The following OPRM1 variants were observed in gnomAD, a reference collection of about 807,000 sequenced individuals.
OPRM1 encodes the protein mu-type opioid receptor.
Under a neutral mutation model 31.8 loss-of-function variants are expected in OPRM1, and 27 were observed. The ratio of observed to expected loss-of-function variants is 0.85; its 90% CI spans 0.63 to 1.17. The LOEUF is 1.17. OPRM1 is among the 50% of genes most tolerant of loss of function. OPRM1 has a pLI of 0.00. For missense variants in OPRM1, 536 were observed against 511.1 expected (o/e 1.05, Z -0.47); for synonymous variants, 196 against 189.9 (o/e 1.03, Z -0.26).
intron 3 of OPRM1, chr6:154,093,139 A>T (rs1224442155): frequency 1.4e-6 from 1 of 717,878 alleles, no homozygotes; most frequent in Admixed American, 2.6e-5. Flanking sequence ...CAACCTGGGG[A>T]TAACATGTTA....
At chr6:154,211,187 C>T (rs1241322688) in intron 3 of OPRM1, among the ~76,000 whole-genome samples, 1 of 152,042 alleles carries the variant, frequency 6.6e-6, no homozygotes, top group Non-Finnish European at 1.5e-5. Flanking sequence ...GAGGCCGAGG[C>T]AGGCGGATCA....
intron 3 of OPRM1, among the ~76,000 whole-genome samples, chr6:154,171,855 C>A (rs963043224): frequency 1.3e-5 from 2 of 152,172 alleles, no homozygotes; most frequent in East Asian, 1.9e-4. Context: ...TGTCCTTTTA[C>A]TTTTTAAAAA....
At chr6:154,160,149 A>C in intron 3 of OPRM1, 1 of 828,116 alleles carries the variant, frequency 1.2e-6, no homozygotes, top group Non-Finnish European at 1.9e-6. Context: ...AAATTACCAA[A>C]GCATTTTTGC....
In OPRM1 at chr6:154,094,197, T is replaced by A. The variant is rs764503576; in HGVS notation, c.1164+2725T>A. On this transcript the variant is annotated intron_variant, in intron 3 of 3. Coordinates refer to ENST00000330432, the MANE Select transcript of OPRM1 (RefSeq NM_000914.5). ...CACATTTCAAGCACATTAGTCAACT[T>A]CATATTCTGCAGATCAGAGATCCAA... 4 of 1,282,442 alleles carry A rather than the reference T, an allele frequency of 3.1e-6. No homozygotes were observed. In the African/African-American group the frequency reaches 4.6e-5, roughly 15 times the overall value. The allele number at this position is 1,282,442 out of a possible 1,614,324, so 79.4% of individuals were successfully genotyped here.
chr6:154,140,715 T>C lies in OPRM1; in HGVS notation c.1164+49243T>C, dbSNP rs182353060. Reference sequence around the variant, plus strand: ...GGCAAAAGGAGGCCATTATGAATCATAGATATACAGGTCAACCCACAGAGG... The same window carrying C: ...GGCAAAAGGAGGCCATTATGAATCACAGATATACAGGTCAACCCACAGAGG... On this transcript the variant is annotated intron_variant, in intron 3 of 3. Coordinates refer to the OPRM1 transcript ENST00000337049. Among the ~76,000 whole-genome samples, 261 of 152,244 alleles carry C rather than the reference T, an allele frequency of 1.7e-3. 1 individual carries two copies. Among genetic ancestry groups the C allele is most frequent in the African/African-American group, 3.5e-3 (147 of 41,552 alleles).
Position 154,091,030 on chromosome 6 carries a change from T to G in OPRM1, c.722T>G (p.Phe241Cys). 3 of 1,614,232 alleles carry G rather than the reference T, an allele frequency of 1.9e-6. No homozygotes were observed. In the South Asian group the frequency reaches 3.3e-5, roughly 18 times the overall value. Residue 241 changes from phenylalanine to cysteine, a missense_variant, in exon 3 of 4, where the codon TTC becomes TGC. Phe to Cys is a radical substitution (Grantham distance 205). Transcript: ENST00000330432. ...ENLLKICVFI[F>C]AFIMPVLIIT... The stretch of plus-strand genomic sequence containing the variant: ...CTGCTGAAGATCTGTGTTTTCATCT[T>G]CGCCTTCATTATGCCAGTGCTCATC...
At chr6:154,037,271 T>C (rs1779361365), upstream of OPRM1, among the ~76,000 whole-genome samples, 1 of 151,666 alleles carries the variant, frequency 6.6e-6, no homozygotes, top group African/African-American at 2.4e-5. Flanking sequence ...TTAGTATTTG[T>C]GGAACTGGCT....
chr6:154,034,785 G>A (rs890115648), upstream of OPRM1, among the ~76,000 whole-genome samples: 6 of 152,104 alleles, frequency 3.9e-5, no homozygotes, highest in Non-Finnish European at 1.5e-5. Flanking sequence ...CTCTGTAACT[G>A]GAAATTGAAG....
chr6:154,146,671 C>G (rs1798366235), intron 3 of OPRM1, among the ~76,000 whole-genome samples: 1 of 152,126 alleles, frequency 6.6e-6, no homozygotes, highest in Admixed American at 6.5e-5. Context: ...TTGGGACTGA[C>G]AAACTATGGT....
intron 3 of OPRM1, among the ~76,000 whole-genome samples, chr6:154,183,353 C>T (rs1428550088): frequency 6.6e-6 from 1 of 152,204 alleles, no homozygotes; most frequent in Non-Finnish European, 1.5e-5. Flanking sequence ...TATGTACTTG[C>T]ATAACATGAC....
At chr6:154,234,923 T>C (rs987554154) in intron 3 of OPRM1, among the ~76,000 whole-genome samples, 5 of 152,212 alleles carry the variant, frequency 3.3e-5, no homozygotes, top group African/African-American at 1.2e-4. Flanking sequence ...ATCCTTAGCT[T>C]CTGCTCAGTC....
chr6:154,182,663 T>C (rs1038619397), intron 3 of OPRM1, among the ~76,000 whole-genome samples: 12 of 152,148 alleles, frequency 7.9e-5, no homozygotes, highest in Admixed American at 2.0e-4. Context: ...TTATGAGGTA[T>C]CAGTTGAATG....
chr6:154,175,685 C>T (rs1164600385), intron 3 of OPRM1, among the ~76,000 whole-genome samples: 1 of 151,974 alleles, frequency 6.6e-6, no homozygotes, highest in Non-Finnish European at 1.5e-5. Context: ...AATTAATAGC[C>T]TACCAACCAA....
At chr6:154,218,311 T>C (rs1778578625) in intron 3 of OPRM1, among the ~76,000 whole-genome samples, 1 of 152,210 alleles carries the variant, frequency 6.6e-6, no homozygotes, top group African/African-American at 2.4e-5. Flanking sequence ...GCAGCTCCCG[T>C]CTTTGCTGAG....
downstream of OPRM1, among the ~76,000 whole-genome samples, chr6:154,132,576 AC>A (rs1298978752): frequency 6.6e-6 from 1 of 152,214 alleles, no homozygotes; most frequent in Non-Finnish European, 1.5e-5. Flanking sequence ...GACAACCATA[AC>A]TTCCTAAGCT....
intron 3 of OPRM1, chr6:154,221,444 T>C: frequency 2.6e-6 from 2 of 780,840 alleles, no homozygotes; most frequent in Non-Finnish European, 4.2e-6. Flanking sequence ...CTTTGTAAAT[T>C]TACAAAAAAT....
chr6:154,096,136 C>T (rs1793341606), intron 3 of OPRM1, among the ~76,000 whole-genome samples: 1 of 152,214 alleles, frequency 6.6e-6, no homozygotes, highest in South Asian at 2.1e-4. Context: ...CAGCTCACTG[C>T]AACCTCTTCC....
intron 1 of OPRM1, 70 bp from the exon 2 acceptor site, chr6:154,089,756 A>T: frequency 1.9e-6 from 2 of 1,052,006 alleles, no homozygotes; most frequent in South Asian, 3.0e-5. Context: ...CAAATTTATT[A>T]TTGGAAGCTT....
At chr6:154,245,883 T>C (rs1163733703) in intron 3 of OPRM1, among the ~76,000 whole-genome samples, 1 of 152,216 alleles carries the variant, frequency 6.6e-6, no homozygotes, top group Admixed American at 6.5e-5. Flanking sequence ...TTTCTAAGAA[T>C]AACTTTATTT....
Sources: gnomAD v4.1 joint callset for allele counts (sites outside exome capture counted in the v4.1 genomes callset) on GRCh38, gnomAD v4.1.1 for gene constraint, MANE v1.5 for transcripts, NCBI Gene and HGNC (gene_info 2026-07-23, HGNC 2026-07-21) for gene names.